The following NCAPG2 variants were observed in gnomAD, a reference collection of about 807,000 sequenced individuals.
NCAPG2 encodes condensin-2 complex subunit G2.
Under a neutral mutation model 141.1 loss-of-function variants are expected in NCAPG2, and 53 were observed. That is an observed-to-expected ratio of 0.38 (90% confidence interval 0.30 to 0.47). The LOEUF (loss-of-function observed/expected upper bound fraction) is 0.47, where lower values mean the gene tolerates loss of function less well. Ranked by LOEUF, NCAPG2 falls within the 20% of genes least tolerant of loss-of-function variation. The probability of loss-of-function intolerance (pLI) is 0.99; values close to 1 mark genes in which losing one functional copy is unlikely to be tolerated. For synonymous variants in NCAPG2, 499 were observed against 490.7 expected, an observed-to-expected ratio of 1.02 and a Z score of -0.22; for missense variants, 1,087 against 1,389.0, an observed-to-expected ratio of 0.78 and a Z score of 3.46.
chr7:158,655,625 T>C (rs1831857412), intron 19 of NCAPG2, among the ~76,000 whole-genome samples, 170 bp from the exon 20 acceptor site: 1 of 2,070 alleles, frequency 4.8e-4, no homozygotes, highest in Non-Finnish European at 1.1e-3. Flanking sequence ...TGCTGGGTGG[T>C]ATGGGAAAAT....
intron 13 of NCAPG2, 51 bp downstream of exon 13, chr7:158,671,463 A>G: frequency 6.2e-7 from 1 of 1,600,104 alleles, no homozygotes; most frequent in Non-Finnish European, 8.6e-7. Flanking sequence ...CTGTTTGATG[A>G]ACACATGTCC....
At chr7:158,667,142 A>G in intron 13 of NCAPG2, 2 of 985,356 alleles carry the variant, frequency 2.0e-6, no homozygotes, top group Non-Finnish European at 2.4e-6. Context: ...AAACCTTTCC[A>G]GACACCTCAC....
intron 7 of NCAPG2, among the ~76,000 whole-genome samples, chr7:158,686,951 G>A (rs539912373): frequency 2.0e-5 from 3 of 152,266 alleles, no homozygotes; most frequent in African/African-American, 7.2e-5. Context: ...GCAGGGAGTG[G>A]CAGAGTCATG....
chr7:158,693,428 A>G lies in NCAPG2; in HGVS notation c.148T>C (p.Leu50=), dbSNP rs767509794. ...DELSRKQKEE[L]WQRLKNLLTD... is the part of the protein sequence containing the mutation. ...AATAAATTCTTCAGCCTTTGCCATA[A>G]TTCTTCTTTCTGTTTCCTTGATAAT... The change falls in exon 3 of 28, where the codon TTA becomes CTA. Residue 50 remains leucine (L), a synonymous_variant. Transcript: ENST00000356309. 3.1e-6 allele frequency: 5 copies of G among 1,614,042 alleles called. No homozygotes were observed. The highest frequency in any genetic ancestry group is 3.3e-4 in the Middle Eastern group (2 of 6,062).
At chr7:158,694,625 A>G (rs1835333263) in intron 2 of NCAPG2, among the ~76,000 whole-genome samples, 1 of 152,200 alleles carries the variant, frequency 6.6e-6, no homozygotes, top group Non-Finnish European at 1.5e-5. Flanking sequence ...TGAAGGCTAT[A>G]CCACAAAAGA....
chr7:158,694,978 T>C (rs1406031821), intron 2 of NCAPG2, among the ~76,000 whole-genome samples: 1 of 152,206 alleles, frequency 6.6e-6, no homozygotes, highest in East Asian at 1.9e-4. Context: ...AGTATCTTGA[T>C]CTACCTATAG....
At chr7:158,671,786 A>G in intron 12 of NCAPG2, 120 bp from the exon 13 acceptor site, 5 of 1,091,670 alleles carry the variant, frequency 4.6e-6, no homozygotes, top group Non-Finnish European at 6.5e-6. Context: ...CTAGTGAAAT[A>G]AATATACCTA....
intron 17 of NCAPG2, 112 bp downstream of exon 17, chr7:158,658,226 C>A (rs1832170506): frequency 1.1e-6 from 1 of 914,312 alleles, no homozygotes; most frequent in Non-Finnish European, 1.6e-6. Flanking sequence ...AAGGAAGAGG[C>A]CACAGTGAGC....
intron 13 of NCAPG2, 30 bp downstream of exon 13, chr7:158,671,484 T>A (rs772262635): frequency 3.3e-5 from 53 of 1,612,940 alleles, no homozygotes; most frequent in Non-Finnish European, 3.9e-5. Flanking sequence ...CTATTTCATG[T>A]CATAAGTAAA....
chr7:158,689,455 G>A (rs1834991874), intron 6 of NCAPG2, among the ~76,000 whole-genome samples: 1 of 152,164 alleles, frequency 6.6e-6, no homozygotes, highest in African/African-American at 2.4e-5. Context: ...AGAAAGGGAG[G>A]ATATTATGGG....
chr7:158,651,153 T>G (rs555825042), intron 23 of NCAPG2, among the ~76,000 whole-genome samples, 181 bp from the exon 24 acceptor site: 6 of 152,116 alleles, frequency 3.9e-5, no homozygotes, highest in African/African-American at 1.4e-4. Flanking sequence ...AAACCTCCTA[T>G]GCACCACGGC....
intron 16 of NCAPG2, among the ~76,000 whole-genome samples, chr7:158,658,894 G>A (rs1832240714): frequency 6.6e-6 from 1 of 152,122 alleles, no homozygotes; most frequent in African/African-American, 2.4e-5. Context: ...AAGGGAAAAT[G>A]CAGTGGGGCA....
chr7:158,702,023 G>A (rs1587322796), intron 1 of NCAPG2, 85 bp from the exon 2 acceptor site: 1 of 815,442 alleles, frequency 1.2e-6, no homozygotes, highest in Non-Finnish European at 1.9e-6. Context: ...TCCAAGAACT[G>A]CAAGAAAATT....
intron 15 of NCAPG2, among the ~76,000 whole-genome samples, chr7:158,663,019 C>G (rs1196659391): frequency 1.3e-5 from 2 of 152,226 alleles, no homozygotes; most frequent in Non-Finnish European, 2.9e-5. Flanking sequence ...CAAACACACT[C>G]TAACAAATTC....
At chr7:158,693,868 T>A (rs1190009069) in intron 2 of NCAPG2, among the ~76,000 whole-genome samples, 2 of 152,234 alleles carry the variant, frequency 1.3e-5, no homozygotes, top group Non-Finnish European at 2.9e-5. Context: ...CACCACCTTC[T>A]ACTCATTCCT....
rs1174528360 is a variant in NCAPG2 at position 158,631,410 on chromosome 7, T to G, written c.*256A>C. 1.3e-5 allele frequency: 6 copies of G among 450,778 alleles called. No homozygotes were observed. Among genetic ancestry groups the G allele is most frequent in the Non-Finnish European group, 1.5e-5 (4 of 260,710 alleles). The allele number at this position is 450,778 out of a possible 1,614,324, so 27.9% of individuals were successfully genotyped here. Reference sequence around the variant, plus strand: ...GGTTTGCTAGAAAAGTGTTTTTTCTTGGAATCATGGATTTCTACACCATTC... The same window carrying G: ...GGTTTGCTAGAAAAGTGTTTTTTCTGGGAATCATGGATTTCTACACCATTC... On this transcript the variant is annotated 3_prime_UTR_variant, in exon 28 of 28. Transcript: ENST00000356309.
intron 5 of NCAPG2, among the ~76,000 whole-genome samples, chr7:158,690,351 G>A (rs1193175943): frequency 2.6e-5 from 4 of 152,146 alleles, no homozygotes; most frequent in Admixed American, 6.5e-5. Flanking sequence ...TGGCTACTAC[G>A]TTGAATAGCG....
chr7:158,662,290 T>C lies in NCAPG2; in HGVS notation c.1893A>G (p.Lys631=). 1.2e-6 allele frequency: 2 copies of C among 1,610,930 alleles called. No homozygotes were observed. The highest frequency in any genetic ancestry group is 1.7e-6 in the Non-Finnish European group (2 of 1,178,682). ...TATTTTCCATACTTCTGTCAATACTTTTCCAGAGAATCACAATGATTTCTA... is the reference window on the plus strand; with the variant it reads ...TATTTTCCATACTTCTGTCAATACTCTTCCAGAGAATCACAATGATTTCTA... ...GLLEIIVILW[K]SIDRSMENNK... Residue 631 remains lysine, a synonymous_variant, in exon 16 of 28, where the codon AAA becomes AAG. Coordinates refer to ENST00000356309, the MANE Select transcript of NCAPG2 (RefSeq NM_017760.7).
intron 15 of NCAPG2, among the ~76,000 whole-genome samples, chr7:158,663,380 T>C (rs1255749829): frequency 6.6e-6 from 1 of 152,250 alleles, no homozygotes; most frequent in African/African-American, 2.4e-5. Flanking sequence ...CCACATCTAT[T>C]TCCTGTATGT....
Sources: allele counts gnomAD v4.1 joint callset (sites outside exome capture counted in the v4.1 genomes callset), GRCh38; gene constraint gnomAD v4.1.1; transcripts MANE v1.5; gene names NCBI Gene and HGNC (gene_info 2026-07-23, HGNC 2026-07-21).